Variants in RBFOX1 observed in about 807,000 individuals in gnomAD.
RBFOX1 encodes RNA binding protein fox-1 homolog 1.
RBFOX1 carries 8 observed loss-of-function variants against 57.7 expected under a neutral mutation model. That is an observed-to-expected ratio of 0.14 (90% confidence interval 0.08 to 0.25). The LOEUF (loss-of-function observed/expected upper bound fraction) is 0.25, where lower values mean the gene tolerates loss of function less well. Ranked by LOEUF, RBFOX1 falls within the 10% of genes least tolerant of loss-of-function variation. The pLI, the probability that RBFOX1 is intolerant of heterozygous loss-of-function variation, is 1.00. For synonymous variants in RBFOX1, 326 were observed against 222.4 expected (o/e 1.47, Z -4.15); for missense variants, 611 against 548.5 (o/e 1.11, Z -1.14).
At chr16:5,679,972 T>A (rs887899816) in intron 3 of RBFOX1, among the ~76,000 whole-genome samples, 1 of 152,204 alleles carries the variant, frequency 6.6e-6, no homozygotes, top group Non-Finnish European at 1.5e-5. Flanking sequence ...ACATATATTG[T>A]TTTAAGAAAA....
intron 3 of RBFOX1, among the ~76,000 whole-genome samples, chr16:6,937,636 T>G (rs2077604706): frequency 6.6e-6 from 1 of 151,914 alleles, no homozygotes; most frequent in East Asian, 1.9e-4. Context: ...TCTGGAAAGG[T>G]GGGACAACTG....
intron 1 of RBFOX1, among the ~76,000 whole-genome samples, chr16:5,345,977 C>T (rs529687517): frequency 6.6e-6 from 1 of 152,148 alleles, no homozygotes. Flanking sequence ...CTTGCTTCCC[C>T]CATGCTCATG....
intron 2 of RBFOX1, among the ~76,000 whole-genome samples, chr16:5,548,174 A>AATATATAT (rs71142629): frequency 1.7e-3 from 58 of 33,566 alleles, no homozygotes; most frequent in Non-Finnish European, 2.6e-3. Context: ...AAAAAAAAAA[A>AATATATAT]ATATATATAT....
At position 7,605,146 on chromosome 16, in the gene RBFOX1, C is replaced by T. The variant is rs375891339; in HGVS notation, c.623-2139C>T. On this transcript the variant is annotated intron_variant, in intron 9 of 15. Transcript: ENST00000550418. ...GAAATGTAGATATTAATTCCCATATCCTCAGGAATTAGACTTTTTTTTAAA... is the reference window on the plus strand; with the variant it reads ...GAAATGTAGATATTAATTCCCATATTCTCAGGAATTAGACTTTTTTTTAAA... Among the ~76,000 whole-genome samples, 12 of 151,996 alleles carry T rather than the reference C, an allele frequency of 7.9e-5. No individual in the cohort carries two copies. The East Asian group carries it at 1.5e-3, about 20-fold the overall frequency.
At chr16:6,325,325 C>G (rs1227615082) in intron 2 of RBFOX1, among the ~76,000 whole-genome samples, 1 of 152,140 alleles carries the variant, frequency 6.6e-6, no homozygotes, top group Non-Finnish European at 1.5e-5. Flanking sequence ...GCACTGCACA[C>G]CAACCTGGAG....
At chr16:6,031,713 G>GGGAGCCACGA (rs2095292930) in intron 1 of RBFOX1, among the ~76,000 whole-genome samples, 1 of 152,228 alleles carries the variant, frequency 6.6e-6, no homozygotes, top group African/African-American at 2.4e-5. Context: ...CGAACAGTAT[G>GGGAGCCACGA]ACAGTGGGGA....
chr16:5,985,886 GAGA>G (rs1288447928), intron 4 of RBFOX1, among the ~76,000 whole-genome samples: 2 of 152,114 alleles, frequency 1.3e-5, no homozygotes. Context: ...ACTTACGTTT[GAGA>G]AGAATGAGGC....
At chr16:7,460,491 A>G (rs1381859313) in intron 4 of RBFOX1, among the ~76,000 whole-genome samples, 4 of 146,006 alleles carry the variant, frequency 2.7e-5, no homozygotes, top group African/African-American at 7.5e-5. Context: ...TGTATGCCTT[A>G]TATATAATAT....
intron 1 of RBFOX1, among the ~76,000 whole-genome samples, chr16:5,359,327 A>G (rs1172350020): frequency 2.6e-5 from 4 of 152,176 alleles, no homozygotes; most frequent in Admixed American, 2.0e-4. Flanking sequence ...TTGCGTGTAT[A>G]CCCAGCAATG....
rs184537401 is a variant in RBFOX1, at chr16:7,424,712, C to T, written c.28-93435C>T. ...ATGAAAGAACCTATGGAAGGGGATA[C>T]AATTTCAGCTTTGACAGTTTGGGAT... On this transcript the variant is annotated intron_variant, in intron 4 of 15. Coordinates refer to ENST00000550418, the MANE Select transcript of RBFOX1 (RefSeq NM_018723.4). Among the ~76,000 whole-genome samples, 616 of 152,282 alleles carry T rather than the reference C, an allele frequency of 4.0e-3. 5 individuals carry two copies. Among genetic ancestry groups the T allele is most frequent in the Middle Eastern group, 0.01 (3 of 294 alleles).
intron 4 of RBFOX1, among the ~76,000 whole-genome samples, chr16:7,460,167 G>C (rs2059268678): frequency 1.3e-5 from 2 of 151,086 alleles, no homozygotes; most frequent in African/African-American, 4.9e-5. Context: ...TATCCTCTTA[G>C]GCTGTCATTC....
At chr16:7,021,789 G>A (rs2039205375) in intron 3 of RBFOX1, among the ~76,000 whole-genome samples, 1 of 150,738 alleles carries the variant, frequency 6.6e-6, no homozygotes, top group Non-Finnish European at 1.5e-5. Context: ...CTATATACCA[G>A]GCATGCTTGA....
chr16:6,287,501 A>T (rs867974318), intron 1 of RBFOX1, among the ~76,000 whole-genome samples: 6 of 152,174 alleles, frequency 3.9e-5, no homozygotes, highest in African/African-American at 1.4e-4. Context: ...AATACCAAAT[A>T]CTAGATTATT....
At chr16:6,270,675 G>T (rs1325995759) in intron 1 of RBFOX1, among the ~76,000 whole-genome samples, 1 of 152,202 alleles carries the variant, frequency 6.6e-6, no homozygotes, top group South Asian at 2.1e-4. Context: ...AGGAAAACTA[G>T]ACTGAAAATC....
chr16:5,377,140 C>G (rs558736008), intron 1 of RBFOX1, among the ~76,000 whole-genome samples: 71 of 151,744 alleles, frequency 4.7e-4, no homozygotes, highest in Admixed American at 4.4e-3. Context: ...ACTGGTTGAG[C>G]ACCTGCTGTA....
chr16:5,546,077 CAA>C (rs1350423249), intron 2 of RBFOX1, among the ~76,000 whole-genome samples: 2 of 151,926 alleles, frequency 1.3e-5, no homozygotes, highest in Non-Finnish European at 2.9e-5. Flanking sequence ...GTAATACTAT[CAA>C]ATGAAATAAT....
chr16:6,065,711 C>A (rs779791854), intron 1 of RBFOX1, among the ~76,000 whole-genome samples: 3 of 152,174 alleles, frequency 2.0e-5, no homozygotes, highest in Non-Finnish European at 4.4e-5. Flanking sequence ...GCCCCTTCCT[C>A]TGTAGACCTA....
chr16:5,473,036 T>C (rs1443815210), intron 2 of RBFOX1, among the ~76,000 whole-genome samples: 2 of 152,204 alleles, frequency 1.3e-5, no homozygotes, highest in African/African-American at 2.4e-5. Context: ...CCTGCCTTGA[T>C]CCATGAGGCT....
chr16:6,563,442 A>G (rs1238478214), intron 2 of RBFOX1, among the ~76,000 whole-genome samples: 4 of 152,160 alleles, frequency 2.6e-5, no homozygotes, highest in East Asian at 1.9e-4. Flanking sequence ...TGTATAAGTT[A>G]TTGAGATGTA....
Sources: allele counts gnomAD v4.1 joint callset (sites outside exome capture counted in the v4.1 genomes callset), GRCh38; gene constraint gnomAD v4.1.1; transcripts MANE v1.5; gene names NCBI Gene and HGNC (gene_info 2026-07-23, HGNC 2026-07-21).